Variants in ATP13A5 observed in about 807,000 individuals in gnomAD.
The protein encoded by ATP13A5 is probable cation-transporting ATPase 13A5.
Under a neutral mutation model 150.2 loss-of-function variants are expected in ATP13A5, and 149 were observed. That is an observed-to-expected ratio of 0.99 (90% confidence interval 0.87 to 1.14). The LOEUF (loss-of-function observed/expected upper bound fraction) is 1.14, where lower values mean the gene tolerates loss of function less well. Among genes scored for constraint, ATP13A5 ranks in the 50% most tolerant of loss-of-function variants. The pLI is 0.00. For synonymous variants in ATP13A5, 497 were observed against 522.2 expected, an observed-to-expected ratio of 0.95 and a Z score of 0.66; for missense variants, 1,383 against 1,449.3, an observed-to-expected ratio of 0.95 and a Z score of 0.74.
chr3:193,345,861 T>C (rs932533605), intron 7 of ATP13A5, among the ~76,000 whole-genome samples: 1 of 152,144 alleles, frequency 6.6e-6, no homozygotes, highest in African/African-American at 2.4e-5. Context: ...TACTTCCCTC[T>C]CTATGCCTCT....
At chr3:193,360,189 GCT>G (rs1712951772) in intron 5 of ATP13A5, among the ~76,000 whole-genome samples, 1 of 152,198 alleles carries the variant, frequency 6.6e-6, no homozygotes, top group Admixed American at 6.5e-5. Flanking sequence ...CAATTTACTT[GCT>G]CTCTTTCTGA....
At chr3:193,362,220 C>T (rs1236323268) in intron 5 of ATP13A5, among the ~76,000 whole-genome samples, 161 bp downstream of exon 5, 2 of 152,144 alleles carry the variant, frequency 1.3e-5, no homozygotes, top group East Asian at 1.9e-4. Context: ...AATAAGTTTG[C>T]CTAAGAAAAG....
chr3:193,286,956 A>AT (rs1160938736), intron 26 of ATP13A5, among the ~76,000 whole-genome samples: 2 of 152,132 alleles, frequency 1.3e-5, no homozygotes, highest in Non-Finnish European at 2.9e-5. Flanking sequence ...AGGAAGTAAA[A>AT]TGGTCTTATT....
chr3:193,275,444 A>C (rs1577316512), intron 29 of ATP13A5, 142 bp from the exon 30 acceptor site: 1 of 972,676 alleles, frequency 1.0e-6, no homozygotes, highest in African/African-American at 1.6e-5. Context: ...TCCTTTCCCA[A>C]GTTCTGGAAT....
chr3:193,341,018 C>A (rs1260460798), intron 9 of ATP13A5, among the ~76,000 whole-genome samples: 1 of 152,070 alleles, frequency 6.6e-6, no homozygotes, highest in South Asian at 2.1e-4. Context: ...AATTAGTTAC[C>A]CTTTCTGGGC....
chr3:193,318,200 A>G (rs1032673554), intron 17 of ATP13A5, among the ~76,000 whole-genome samples: 20 of 152,260 alleles, frequency 1.3e-4, no homozygotes, highest in Non-Finnish European at 2.6e-4. Flanking sequence ...CAATGGACTT[A>G]GGTTGCAAAT....
intron 12 of ATP13A5, among the ~76,000 whole-genome samples, chr3:193,327,435 ATT>A (rs1430857545): frequency 6.6e-6 from 1 of 150,988 alleles, no homozygotes; most frequent in African/African-American, 2.4e-5. Flanking sequence ...AGCAGAGCTC[ATT>A]TTTTTTTGTT....
At chr3:193,336,009 G>C (rs1327526499) in intron 9 of ATP13A5, among the ~76,000 whole-genome samples, 1 of 152,098 alleles carries the variant, frequency 6.6e-6, no homozygotes, top group Non-Finnish European at 1.5e-5. Flanking sequence ...GATTTAAAGA[G>C]TATTAGAATG....
At chr3:193,338,612 A>T (rs1242956522) in intron 9 of ATP13A5, among the ~76,000 whole-genome samples, 1 of 152,036 alleles carries the variant, frequency 6.6e-6, no homozygotes, top group Non-Finnish European at 1.5e-5. Context: ...AAGCTTTTTG[A>T]TGTGCTGCTG....
At chr3:193,375,208 G>A (rs1713595897) in intron 1 of ATP13A5, among the ~76,000 whole-genome samples, 1 of 152,132 alleles carries the variant, frequency 6.6e-6, no homozygotes, top group Non-Finnish European at 1.5e-5. Context: ...AATACCTACT[G>A]CAGAAGATAT....
At chr3:193,353,981 C>T (rs1393594926) in intron 6 of ATP13A5, 146 bp downstream of exon 6, 1 of 599,010 alleles carries the variant, frequency 1.7e-6, no homozygotes, top group East Asian at 3.0e-5. Context: ...TAAAGTAAAC[C>T]TGAGTTTAAA....
chr3:193,335,201 G>C, intron 9 of ATP13A5, 102 bp from the exon 10 acceptor site: 1 of 1,040,654 alleles, frequency 9.6e-7, no homozygotes, highest in Non-Finnish European at 1.4e-6. Context: ...AACTAATCCG[G>C]TCTTAATGCC....
chr3:193,369,879 G>A (rs1713383199), intron 1 of ATP13A5, among the ~76,000 whole-genome samples: 1 of 152,194 alleles, frequency 6.6e-6, no homozygotes, highest in South Asian at 2.1e-4. Context: ...GGTGTTGAGA[G>A]AAAAAGCAGC....
intron 11 of ATP13A5, 125 bp downstream of exon 11, chr3:193,333,625 G>A: frequency 4.1e-6 from 4 of 966,514 alleles, no homozygotes. Flanking sequence ...TGTCTAAGAA[G>A]CTCTTTTGGA....
chr3:193,345,139 A>C (rs558788628), intron 7 of ATP13A5, 64 bp from the exon 8 acceptor site: 1,371 of 1,402,010 alleles, frequency 9.8e-4, no homozygotes, highest in Non-Finnish European at 1.3e-3. Context: ...ACATGATCTC[A>C]TTACAGTAAA....
Position 193,335,037 on chromosome 3 carries a change from A to G in ATP13A5, c.1006T>C (p.Cys336Arg). ...PQMENTMPWKCHSLEDYRKHV... is the reference protein window; with the variant it reads ...PQMENTMPWKRHSLEDYRKHV... Reference sequence around the variant, plus strand: ...TTCCTATAATCCTCCAAACTGTGACATTTCCAAGGCATAGTGTTCTCCATC... The same window carrying G: ...TTCCTATAATCCTCCAAACTGTGACGTTTCCAAGGCATAGTGTTCTCCATC... The change falls in exon 10 of 30, where the codon TGT (cysteine) becomes CGT (arginine). Residue 336 changes from cysteine to arginine, a missense_variant. Transcript: ENST00000342358. 6.2e-7 allele frequency: 1 copy of G among 1,613,922 alleles called. No homozygotes were observed. Among genetic ancestry groups the G allele is most frequent in the Non-Finnish European group, 8.5e-7 (1 of 1,179,826 alleles).
intron 1 of ATP13A5, among the ~76,000 whole-genome samples, chr3:193,369,637 G>A (rs1218112700): frequency 6.6e-6 from 1 of 151,814 alleles, no homozygotes; most frequent in Non-Finnish European, 1.5e-5. Flanking sequence ...TACCATAAAA[G>A]GAAAATTAAT....
chr3:193,289,953 G>T lies in ATP13A5; in HGVS notation c.2955C>A (p.Cys985Ter). Residue 985 changes from cysteine (C) to a stop codon, truncating the protein, a stop_gained, in exon 26 of 30, where the codon TGC becomes TGA. Coordinates refer to ENST00000342358, the MANE Select transcript of ATP13A5 (RefSeq NM_198505.4). LOFTEE classifies it high-confidence loss of function. ...AGAGAAATGCACTGATCTGCACAAT[G>T]CAGGAGAAACAGGAATTCAAAAATA... ...LSIFLNSCFS[C>*]IVQISAFLYV... The T allele has an allele frequency of 6.2e-7, 1 of 1,612,972 alleles. No homozygotes were observed. Among genetic ancestry groups the T allele is most frequent in the East Asian group, 2.2e-5 (1 of 44,846 alleles).
intron 1 of ATP13A5, among the ~76,000 whole-genome samples, chr3:193,367,199 T>G (rs1372688228): frequency 6.6e-6 from 1 of 151,746 alleles, no homozygotes; most frequent in East Asian, 1.9e-4. Flanking sequence ...TAAAGATGAG[T>G]GCAGAAATAA....
Sources: gnomAD v4.1 joint callset for allele counts (sites outside exome capture counted in the v4.1 genomes callset) on GRCh38, gnomAD v4.1.1 for gene constraint, MANE v1.5 for transcripts, NCBI Gene and HGNC (gene_info 2026-07-23, HGNC 2026-07-21) for gene names.